Variants in EPS15 observed in about 807,000 individuals in gnomAD.
The protein encoded by EPS15 is epidermal growth factor receptor pathway substrate 15, also known as epidermal growth factor receptor substrate 15.
In EPS15, 72 loss-of-function variants were observed where a neutral mutation model predicts 113.8. The ratio of observed to expected loss-of-function variants is 0.63; its 90% CI spans 0.52 to 0.77. EPS15 has a LOEUF of 0.77. EPS15 is among the 30% of genes least tolerant of loss of function. The pLI is 0.00. For synonymous variants in EPS15, 344 were observed against 363.4 expected, an observed-to-expected ratio of 0.95 and a Z score of 0.61; for missense variants, 1,048 against 1,045.8, an observed-to-expected ratio of 1.00 and a Z score of -0.03.
chr1:51,481,407 A>T, intron 1 of EPS15, 93 bp from the exon 2 acceptor site: 1 of 701,796 alleles, frequency 1.4e-6, no homozygotes, highest in Non-Finnish European at 2.6e-6. Context: ...AGAAACAAAG[A>T]TGAATAAGAT....
chr1:51,454,049 CAAAAAAAAA>C (rs376428827), intron 8 of EPS15, among the ~76,000 whole-genome samples: 4 of 88,222 alleles, frequency 4.5e-5, no homozygotes, highest in East Asian at 5.7e-4. Flanking sequence ...GACTTTGTTT[CAAAAAAAAA>C]AAAAAAAAAA....
Position 51,402,318 on chromosome 1 carries a change from G to A in EPS15, c.1882+117C>T, listed in dbSNP as rs1053141546. 23 of 538,448 alleles carry A rather than the reference G, an allele frequency of 4.3e-5. No individual in the cohort carries two copies. The highest frequency in any genetic ancestry group is 4.0e-4 in the African/African-American group (20 of 50,088). 33.4% of individuals were successfully genotyped at this position (538,448 alleles called of 1,614,324 possible). On this transcript the variant is annotated intron_variant, in intron 18 of 24. Coordinates refer to ENST00000371733, the MANE Select transcript of EPS15 (RefSeq NM_001981.3). ...GCCGAGATCGTGCCACTGCACTCCA[G>A]CCTGGGCGACAGACTGAGTTGGTAG...
intron 8 of EPS15, among the ~76,000 whole-genome samples, chr1:51,452,999 C>T (rs1272874561): frequency 1.3e-5 from 2 of 152,182 alleles, no homozygotes; most frequent in Non-Finnish European, 1.5e-5. Flanking sequence ...AAGAATTCTC[C>T]TCTCCTTTTT....
At chr1:51,381,799 G>A (rs772674409) in intron 21 of EPS15, among the ~76,000 whole-genome samples, 1 of 151,886 alleles carries the variant, frequency 6.6e-6, no homozygotes, top group African/African-American at 2.4e-5. Context: ...AAAACTAACG[G>A]GATATAGCAG....
chr1:51,373,600 A>G (rs1483455011), intron 21 of EPS15, among the ~76,000 whole-genome samples: 1 of 152,180 alleles, frequency 6.6e-6, no homozygotes, highest in Non-Finnish European at 1.5e-5. Context: ...CTGCCTCATA[A>G]CACCTTGAGT....
chr1:51,492,905 A>T (rs1467512363), intron 1 of EPS15, among the ~76,000 whole-genome samples: 1 of 152,222 alleles, frequency 6.6e-6, no homozygotes, highest in African/African-American at 2.4e-5. Context: ...GCTTGTCCAC[A>T]TTACACTATT....
intron 1 of EPS15, among the ~76,000 whole-genome samples, chr1:51,508,326 GAA>G (rs1307208766): frequency 2.3e-4 from 22 of 94,854 alleles, no homozygotes; most frequent in South Asian, 1.3e-3. Context: ...GAGAAAGAGA[GAA>G]AGAGAAAGAG....
chr1:51,378,836 C>G (rs1310141779), intron 21 of EPS15, among the ~76,000 whole-genome samples: 1 of 151,910 alleles, frequency 6.6e-6, no homozygotes, highest in Non-Finnish European at 1.5e-5. Flanking sequence ...TCTTCCAGCT[C>G]TAAGTTTGAG....
At chr1:51,367,753 A>G (rs1234944078) in intron 21 of EPS15, among the ~76,000 whole-genome samples, 1 of 152,236 alleles carries the variant, frequency 6.6e-6, no homozygotes, top group Non-Finnish European at 1.5e-5. Flanking sequence ...CTGATACAGG[A>G]AGATGGAAAG....
chr1:51,386,647 A>G (rs563992067), intron 21 of EPS15, among the ~76,000 whole-genome samples: 2 of 152,360 alleles, frequency 1.3e-5, no homozygotes, highest in African/African-American at 4.8e-5. Flanking sequence ...ATCAAAGACC[A>G]AAAGTCGAGA....
At chr1:51,458,459 T>G in intron 8 of EPS15, 2 of 386,602 alleles carry the variant, frequency 5.2e-6, no homozygotes, top group Non-Finnish European at 1.0e-5. Flanking sequence ...GTCTTGGGCC[T>G]GAAGAGGTGG....
chr1:51,373,703 T>A (rs1473043315), intron 21 of EPS15, among the ~76,000 whole-genome samples: 1 of 152,182 alleles, frequency 6.6e-6, no homozygotes, highest in Non-Finnish European at 1.5e-5. Context: ...TTCCACATAT[T>A]ATTTACCTTC....
At position 51,404,720 on chromosome 1, in the gene EPS15, C is replaced by A. The variant is rs539216959; in HGVS notation, c.1677+1185G>T. 1.3e-4 allele frequency among the ~76,000 whole-genome samples: 20 copies of A among 152,314 alleles called. 1 individual carries two copies. In the South Asian group the frequency reaches 3.3e-3, roughly 25 times the overall value. ...TTTAAGATGAATCTAAATTTCTCAT[C>A]TTCTGGCACTTTCTGACCTAAAATT... On this transcript the variant is annotated intron_variant, in intron 16 of 24. Transcript: ENST00000371733.
intron 12 of EPS15, among the ~76,000 whole-genome samples, chr1:51,435,149 CAAAAACCTTTTATATAT>C (rs1652042132): frequency 6.6e-6 from 1 of 151,156 alleles, no homozygotes; most frequent in African/African-American, 2.4e-5. Flanking sequence ...TGTGAGGATT[CAAAAACCTTTTATATAT>C]AAAATCCTTT....
intron 1 of EPS15, among the ~76,000 whole-genome samples, chr1:51,500,706 C>T (rs963933351): frequency 2.0e-5 from 3 of 152,156 alleles, no homozygotes; most frequent in Middle Eastern, 3.4e-3. Flanking sequence ...ATCTGTAGGT[C>T]GGGTGCAGTG....
intron 1 of EPS15, among the ~76,000 whole-genome samples, chr1:51,518,804 G>GCT (rs138484036): frequency 0.044 from 6,721 of 151,878 alleles, 227 homozygotes; most frequent in Middle Eastern, 0.11. Context: ...GCCCGCGCGA[G>GCT]CTCAACAGGA....
intron 1 of EPS15, among the ~76,000 whole-genome samples, chr1:51,511,587 T>C (rs545257443): frequency 1.2e-4 from 19 of 152,304 alleles, no homozygotes; most frequent in Admixed American, 1.2e-3. Flanking sequence ...TTTGTCAGTG[T>C]CTGGAGATAT....
At position 51,426,896 on chromosome 1, in the gene EPS15, TATACATATATAC is replaced by T. The variant is rs1449115020; in HGVS notation, c.1041-5050_1041-5039del. ...ATACACATATATACACACACATATA[TATACATATATAC>T]ATACATATATATACACATCCTATTT... On this transcript the variant is annotated intron_variant, in intron 12 of 24. Coordinates refer to ENST00000371733, the MANE Select transcript of EPS15 (RefSeq NM_001981.3). Among the ~76,000 whole-genome samples, 4 of 151,850 alleles carry T rather than the reference TATACATATATAC, an allele frequency of 2.6e-5. No homozygotes were observed. The East Asian group carries it at 5.8e-4, about 22-fold the overall frequency.
chr1:51,481,435 A>C, intron 1 of EPS15, 121 bp from the exon 2 acceptor site: 1 of 629,326 alleles, frequency 1.6e-6, no homozygotes, highest in Non-Finnish European at 2.9e-6. Flanking sequence ...CCTTGATTTC[A>C]GGGGTTAGAT....
Sources: allele counts gnomAD v4.1 joint callset (sites outside exome capture counted in the v4.1 genomes callset), GRCh38; gene constraint gnomAD v4.1.1; transcripts MANE v1.5; gene names NCBI Gene and HGNC (gene_info 2026-07-23, HGNC 2026-07-21).